The following ITCH variants were observed in gnomAD, a reference collection of about 807,000 sequenced individuals.
The protein encoded by ITCH is itchy E3 ubiquitin protein ligase, also known as E3 ubiquitin-protein ligase Itchy homolog.
Under a neutral mutation model 126.8 loss-of-function variants are expected in ITCH, and 28 were observed. The observed-to-expected ratio is 0.22, with a 90% confidence interval of 0.16 to 0.30. ITCH has a LOEUF of 0.30. ITCH is among the 10% of genes least tolerant of loss of function. The pLI, the probability that ITCH is intolerant of heterozygous loss-of-function variation, is 1.00. For synonymous variants in ITCH, 342 were observed against 340.0 expected (o/e 1.01, Z -0.06); for missense variants, 631 against 1,032.4 (o/e 0.61, Z 5.33).
At chr20:34,459,899 A>G (rs1360254306) in intron 13 of ITCH, among the ~76,000 whole-genome samples, 1 of 152,118 alleles carries the variant, frequency 6.6e-6, no homozygotes, top group African/African-American at 2.4e-5. Context: ...CATAGATAAC[A>G]TTTTCTTCCT....
intron 6 of ITCH, among the ~76,000 whole-genome samples, chr20:34,418,671 C>T (rs1198657123): frequency 6.6e-6 from 1 of 151,456 alleles, no homozygotes; most frequent in African/African-American, 2.4e-5. Flanking sequence ...TACATTTGAA[C>T]ATACGTCTAT....
intron 8 of ITCH, among the ~76,000 whole-genome samples, chr20:34,439,599 A>T (rs2146283816): frequency 6.6e-6 from 1 of 152,288 alleles, no homozygotes; most frequent in East Asian, 1.9e-4. Flanking sequence ...AGATAATTTG[A>T]TTAATTGTAT....
chr20:34,471,532 TCAATA>T lies in ITCH; in HGVS notation c.1569+18_1569+22del. The T allele has an allele frequency of 2.0e-6, 3 of 1,488,744 alleles. No homozygotes were observed. Among genetic ancestry groups the T allele is most frequent in the Non-Finnish European group, 2.8e-6 (3 of 1,065,570 alleles). The allele number at this position is 1,488,744 out of a possible 1,614,324, so 92.2% of individuals were successfully genotyped here. On this transcript the variant is annotated intron_variant, in intron 16 of 24. Coordinates refer to ENST00000374864, the MANE Select transcript of ITCH (RefSeq NM_031483.7). ...TTTCAACAGGTACTGTTTCATTCTC[TCAATA>T]ATTTCCCCCCTGGCTGCTAGCTTAG...
At position 34,491,324 on chromosome 20, in the gene ITCH, C is replaced by T. The variant is rs192547464; in HGVS notation, c.2320-1177C>T. Among the ~76,000 whole-genome samples the T allele has an allele frequency of 9.2e-4, 140 of 152,122 alleles. 1 individual carries two copies. The highest frequency in any genetic ancestry group is 6.2e-3 in the South Asian group (30 of 4,818). On this transcript the variant is annotated intron_variant, in intron 22 of 24. Coordinates refer to ENST00000374864, the MANE Select transcript of ITCH (RefSeq NM_031483.7). ...ACAAACGGACAAATACTGTATAATT[C>T]CACTTACATGAGGTTACTAGAATGG...
intron 20 of ITCH, among the ~76,000 whole-genome samples, chr20:34,483,710 C>CT (rs1568992959): frequency 6.6e-6 from 1 of 152,238 alleles, no homozygotes; most frequent in African/African-American, 2.4e-5. Flanking sequence ...GCCCTCCAAA[C>CT]TGTTCCAACG....
intron 2 of ITCH, among the ~76,000 whole-genome samples, chr20:34,376,128 G>A (rs2037835497): frequency 6.6e-6 from 1 of 152,088 alleles, no homozygotes; most frequent in Non-Finnish European, 1.5e-5. Context: ...TTGTCTTGTG[G>A]CTTGCTGCTT....
At chr20:34,399,615 C>G (rs1486383751) in intron 3 of ITCH, among the ~76,000 whole-genome samples, 2 of 151,744 alleles carry the variant, frequency 1.3e-5, no homozygotes, top group Admixed American at 6.6e-5. Context: ...CTGAGGCGGG[C>G]AGATCATCCG....
Position 34,414,643 on chromosome 20 carries a change from G to T in ITCH, c.475+764G>T, listed in dbSNP as rs1056829151. ...CACCACGCCCAGCTAATTTTGTGGG[G>T]TTTTTTTGTTTGTTTTAGTAGAGAT... On this transcript the variant is annotated intron_variant, in intron 6 of 24. Transcript: ENST00000374864. Among the ~76,000 whole-genome samples, 8 of 151,670 alleles carry T rather than the reference G, an allele frequency of 5.3e-5. No homozygotes were observed. In the East Asian group the frequency reaches 5.8e-4, roughly 11 times the overall value.
chr20:34,468,950 G>A (rs1031324591), intron 14 of ITCH, among the ~76,000 whole-genome samples: 25 of 152,024 alleles, frequency 1.6e-4, no homozygotes, highest in South Asian at 4.1e-4. Context: ...ATTTAACAGC[G>A]TAACAGAATA....
At chr20:34,437,525 T>C (rs1983178575) in intron 7 of ITCH, among the ~76,000 whole-genome samples, 1 of 152,236 alleles carries the variant, frequency 6.6e-6, no homozygotes, top group South Asian at 2.1e-4. Context: ...CAGGCTGATC[T>C]GTCACTCCTG....
chr20:34,447,496 C>T lies in ITCH; in HGVS notation c.1141-1915C>T, dbSNP rs561581333. Among the ~76,000 whole-genome samples the T allele has an allele frequency of 2.0e-5, 3 of 152,276 alleles. No individual in the cohort carries two copies. In the South Asian group the frequency reaches 6.2e-4, roughly 32 times the overall value. On this transcript the variant is annotated intron_variant, in intron 11 of 24. Transcript: ENST00000374864. Reference sequence around the variant, plus strand: ...TTACTAGCATACAGAAACTGTCATACACCCAGCATTTTAAGTCTCAGAGTG... The same window carrying T: ...TTACTAGCATACAGAAACTGTCATATACCCAGCATTTTAAGTCTCAGAGTG...
At chr20:34,501,986 G>A (rs922084491) in intron 23 of ITCH, among the ~76,000 whole-genome samples, 7 of 152,118 alleles carry the variant, frequency 4.6e-5, no homozygotes, top group Admixed American at 4.6e-4. Flanking sequence ...TATATCTCCT[G>A]TCATGAAATT....
intron 4 of ITCH, 121 bp downstream of exon 4, chr20:34,408,913 T>G: frequency 9.8e-7 from 1 of 1,017,042 alleles, no homozygotes; most frequent in Non-Finnish European, 1.4e-6. Flanking sequence ...CTCTCTTCTT[T>G]TTTTTTTTTT....
At chr20:34,422,598 T>G (rs1196685326) in intron 6 of ITCH, among the ~76,000 whole-genome samples, 1 of 152,150 alleles carries the variant, frequency 6.6e-6, no homozygotes, top group African/African-American at 2.4e-5. Context: ...TTAACATCTT[T>G]ATTGAGTTGT....
chr20:34,400,655 T>TTTC (rs1205802409), intron 3 of ITCH, among the ~76,000 whole-genome samples: 1 of 149,734 alleles, frequency 6.7e-6, no homozygotes, highest in East Asian at 1.9e-4. Flanking sequence ...TCTTTTTTTT[T>TTTC]TTTTTTTTTT....
chr20:34,414,912 TA>T (rs1354240191), intron 6 of ITCH, among the ~76,000 whole-genome samples: 1 of 152,224 alleles, frequency 6.6e-6, no homozygotes, highest in African/African-American at 2.4e-5. Flanking sequence ...TGTGTGTTAG[TA>T]AATCTTACAA....
chr20:34,503,883 TGG>T (rs1491559764), intron 23 of ITCH, among the ~76,000 whole-genome samples: 2,998 of 80,492 alleles, frequency 0.037, 156 homozygotes, highest in East Asian at 0.14. Context: ...TTTTTTTTTT[TGG>T]TTTTTTTTTT....
chr20:34,441,801 G>C (rs1379253420), intron 9 of ITCH: 1 of 229,686 alleles, frequency 4.4e-6, no homozygotes, highest in African/African-American at 2.3e-5. Context: ...GGCCAGGCTG[G>C]TCTTGAACTC....
At chr20:34,436,599 T>C (rs942558531) in intron 7 of ITCH, among the ~76,000 whole-genome samples, 8 of 152,336 alleles carry the variant, frequency 5.3e-5, no homozygotes, top group Admixed American at 6.5e-5. Flanking sequence ...GTTCCCTCTA[T>C]TATAAGCATT....
Sources: gnomAD v4.1 joint callset for allele counts (sites outside exome capture counted in the v4.1 genomes callset) on GRCh38, gnomAD v4.1.1 for gene constraint, MANE v1.5 for transcripts, NCBI Gene and HGNC (gene_info 2026-07-23, HGNC 2026-07-21) for gene names.